MBNL1: variants seen among roughly 807,000 people sequenced by gnomAD.
The protein encoded by MBNL1 is muscleblind like splicing regulator 1.
A neutral mutation model predicts 42.2 loss-of-function variants in MBNL1; 8 were observed. The ratio of observed to expected loss-of-function variants is 0.19; its 90% CI spans 0.11 to 0.34. MBNL1 has a LOEUF of 0.34. MBNL1 is among the 10% of genes least tolerant of loss of function. MBNL1 has a pLI of 1.00. For missense variants in MBNL1, 309 were observed against 495.3 expected (o/e 0.62, Z 3.57); for synonymous variants, 169 against 173.9 (o/e 0.97, Z 0.22).
At chr3:152,316,571 C>G (rs1461810770) in intron 2 of MBNL1, among the ~76,000 whole-genome samples, 1 of 152,084 alleles carries the variant, frequency 6.6e-6, no homozygotes, top group African/African-American at 2.4e-5. Flanking sequence ...TCACCTAGAC[C>G]TTCATGCTCC....
chr3:152,278,649 GTAT>G (rs1325448341), intron 1 of MBNL1, among the ~76,000 whole-genome samples: 1 of 152,068 alleles, frequency 6.6e-6, no homozygotes, highest in Non-Finnish European at 1.5e-5. Context: ...AGGAAGAATA[GTAT>G]TATGCCTATT....
At chr3:152,267,264 G>GC (rs369801370), upstream of MBNL1, 26 of 152,430 alleles carry the variant, frequency 1.7e-4, no homozygotes, top group African/African-American at 5.8e-4. Context: ...TTTTGATCTT[G>GC]CCAACTTCTA....
At chr3:152,270,984 A>C (rs752442750) in intron 1 of MBNL1, among the ~76,000 whole-genome samples, 53 of 152,206 alleles carry the variant, frequency 3.5e-4, no homozygotes, top group Non-Finnish European at 6.9e-4. Flanking sequence ...AAGACATAAT[A>C]ATCAGATTTC....
Position 152,415,021 on chromosome 3 carries a change from T to C in MBNL1, c.255T>C (p.Asn85=), listed in dbSNP as rs2098673057. ...CGCAGTTGGAGATAAATGGACGCAA[T>C]AACTTGATTCAGCAGAAGAACATGG... ...LKTQLEINGR[N]NLIQQKNMAM... Residue 85 remains asparagine, a synonymous_variant, in exon 3 of 10, where the codon AAT becomes AAC. Transcript: ENST00000324210. 2 of 1,609,388 alleles carry C rather than the reference T, an allele frequency of 1.2e-6. No individual in the cohort carries two copies. The highest frequency in any genetic ancestry group is 1.7e-6 in the Non-Finnish European group (2 of 1,178,622).
At chr3:152,392,842 G>A (rs1368519604) in intron 2 of MBNL1, among the ~76,000 whole-genome samples, 1 of 152,210 alleles carries the variant, frequency 6.6e-6, no homozygotes, top group East Asian at 1.9e-4. Context: ...TATATGAGAT[G>A]TAAAAATATT....
At chr3:152,432,971 T>C in intron 4 of MBNL1, 51 bp downstream of exon 4, 1 of 1,518,408 alleles carries the variant, frequency 6.6e-7, no homozygotes. Flanking sequence ...ATTCTCAAAG[T>C]GTGGTTTTTT....
chr3:152,351,704 TC>T (rs1451897300), intron 2 of MBNL1, among the ~76,000 whole-genome samples: 2 of 152,152 alleles, frequency 1.3e-5, no homozygotes, highest in African/African-American at 4.8e-5. Flanking sequence ...AGCTATGCAA[TC>T]AGATACAAGT....
At chr3:152,356,377 A>G (rs2095519572) in intron 2 of MBNL1, among the ~76,000 whole-genome samples, 1 of 152,218 alleles carries the variant, frequency 6.6e-6, no homozygotes, top group African/African-American at 2.4e-5. Context: ...TGTATCGACC[A>G]GAATCTGCTT....
intron 2 of MBNL1, among the ~76,000 whole-genome samples, chr3:152,315,675 A>T (rs925453419): frequency 5.3e-5 from 8 of 152,192 alleles, no homozygotes; most frequent in African/African-American, 1.9e-4. Flanking sequence ...GAATGAGATC[A>T]TGGTGCCATG....
intron 2 of MBNL1, among the ~76,000 whole-genome samples, chr3:152,361,742 A>G (rs1239023908): frequency 6.6e-6 from 1 of 152,116 alleles, no homozygotes; most frequent in Non-Finnish European, 1.5e-5. Flanking sequence ...ATTGATCTTG[A>G]TGTCTTGATA....
chr3:152,396,184 C>G (rs1483954648), intron 2 of MBNL1: 2 of 368,338 alleles, frequency 5.4e-6, no homozygotes, highest in Non-Finnish European at 1.1e-5. Flanking sequence ...CATCTAGTTG[C>G]AGGAAAACAA....
At chr3:152,267,800 T>G (rs1008815377), upstream of MBNL1, 1 of 152,206 alleles carries the variant, frequency 6.6e-6, no homozygotes, top group Non-Finnish European at 1.5e-5. Context: ...ACCTTTCTGA[T>G]GTTTTTCCTT....
At chr3:152,386,560 A>C (rs548948012) in intron 2 of MBNL1, among the ~76,000 whole-genome samples, 2 of 152,124 alleles carry the variant, frequency 1.3e-5, no homozygotes, top group African/African-American at 4.8e-5. Flanking sequence ...AAAGATGTTC[A>C]TGGTCAAGGA....
intron 1 of MBNL1, among the ~76,000 whole-genome samples, chr3:152,283,954 A>G (rs982977187): frequency 1.3e-5 from 2 of 152,124 alleles, no homozygotes; most frequent in African/African-American, 4.8e-5. Flanking sequence ...CTTTCTTGTT[A>G]CCTCTACTGT....
intron 3 of MBNL1, among the ~76,000 whole-genome samples, chr3:152,425,010 A>T (rs2098893556): frequency 6.6e-6 from 1 of 152,236 alleles, no homozygotes; most frequent in Admixed American, 6.5e-5. Context: ...CAAAGACTTC[A>T]TGACTAAAAC....
intron 2 of MBNL1, among the ~76,000 whole-genome samples, chr3:152,390,353 T>A (rs1394308914): frequency 1.3e-5 from 2 of 151,912 alleles, no homozygotes; most frequent in Non-Finnish European, 2.9e-5. Flanking sequence ...AATATCAATG[T>A]CTTCTTCACT....
Position 152,250,981 on chromosome 3 carries a change from C to T in MBNL1, n.333+6541C>T, listed in dbSNP as rs540559667. ...CTGAATCCAGCAGCACATCAAAAAGCTTATCCACCATGATCAAGTGGGCTT... is the reference window on the plus strand; with the variant it reads ...CTGAATCCAGCAGCACATCAAAAAGTTTATCCACCATGATCAAGTGGGCTT... On this transcript the variant is annotated intron_variant and non_coding_transcript_variant, in intron 2 of 2. Transcript: ENST00000477171. 1.7e-3 allele frequency among the ~76,000 whole-genome samples: 252 copies of T among 152,180 alleles called. 1 individual carries two copies. The South Asian group carries it at 0.022, about 14-fold the overall frequency.
chr3:152,366,949 C>G (rs2096409703), intron 2 of MBNL1, among the ~76,000 whole-genome samples: 1 of 151,976 alleles, frequency 6.6e-6, no homozygotes, highest in South Asian at 2.1e-4. Flanking sequence ...ATACAGTGTT[C>G]ATAATTCTGT....
At chr3:152,349,908 A>T (rs1014928331) in intron 2 of MBNL1, among the ~76,000 whole-genome samples, 10 of 152,112 alleles carry the variant, frequency 6.6e-5, no homozygotes, top group African/African-American at 1.9e-4. Flanking sequence ...AAGATAAGAA[A>T]TATAGGTGTT....
Sources: allele counts gnomAD v4.1 joint callset (sites outside exome capture counted in the v4.1 genomes callset), GRCh38; gene constraint gnomAD v4.1.1; transcripts MANE v1.5; gene names NCBI Gene and HGNC (gene_info 2026-07-23, HGNC 2026-07-21).